DTWD2: variants seen among roughly 807,000 people sequenced by gnomAD.
DTWD2 encodes tRNA-uridine aminocarboxypropyltransferase 2.
A neutral mutation model predicts 31.8 loss-of-function variants in DTWD2; 39 were observed. The observed-to-expected ratio is 1.22, with a 90% CI of 0.95 to 1.60. DTWD2 has a LOEUF of 1.60. Ranked by LOEUF, DTWD2 falls within the 40% of genes most tolerant of loss-of-function variation. The pLI is 0.00. For synonymous variants in DTWD2, 180 were observed against 142.8 expected, an observed-to-expected ratio of 1.26 and a Z score of -1.86; for missense variants, 515 against 381.5, an observed-to-expected ratio of 1.35 and a Z score of -2.92.
At chr5:118,969,801 A>C (rs1475609220) in intron 1 of DTWD2, among the ~76,000 whole-genome samples, 1 of 152,188 alleles carries the variant, frequency 6.6e-6, no homozygotes, top group African/African-American at 2.4e-5. Context: ...ACACCTCTCC[A>C]GCATGGGTAC....
intron 4 of DTWD2, among the ~76,000 whole-genome samples, chr5:118,882,531 T>C (rs1752764480): frequency 6.6e-6 from 1 of 152,148 alleles, no homozygotes; most frequent in African/African-American, 2.4e-5. Flanking sequence ...TTAGCAGAGG[T>C]TCTCCATGAG....
chr5:118,907,256 G>A (rs1330681273), intron 4 of DTWD2, among the ~76,000 whole-genome samples: 2 of 152,150 alleles, frequency 1.3e-5, no homozygotes, highest in Non-Finnish European at 2.9e-5. Context: ...TAACTGCACT[G>A]GGATTAATTT....
At chr5:118,944,891 C>G (rs1271014774) in intron 1 of DTWD2, among the ~76,000 whole-genome samples, 2 of 152,054 alleles carry the variant, frequency 1.3e-5, no homozygotes, top group South Asian at 2.1e-4. Context: ...AAAATCTTAC[C>G]TTAGTTATAT....
In DTWD2 at chr5:118,901,103, AT is replaced by A. The variant is rs1308233880; in HGVS notation, c.597+27433del. Among the ~76,000 whole-genome samples the A allele has an allele frequency of 2.0e-5, 3 of 152,056 alleles. No homozygotes were observed. The East Asian group carries it at 5.8e-4, about 29-fold the overall frequency. On this transcript the variant is annotated intron_variant, in intron 4 of 5. Coordinates refer to ENST00000510708, the MANE Select transcript of DTWD2 (RefSeq NM_173666.4). The stretch of plus-strand genomic sequence containing the variant: ...TTATAAAATATGTGAATATAATTAC[AT>A]TTATAATTACTTATCATAAAGATTT...
intron 4 of DTWD2, among the ~76,000 whole-genome samples, chr5:118,870,643 T>G (rs1752480883): frequency 1.3e-5 from 2 of 152,174 alleles, no homozygotes; most frequent in South Asian, 4.1e-4. Context: ...TCATCCTCCT[T>G]TGGTGGAGGG....
At position 118,883,535 on chromosome 5, in the gene DTWD2, CA is replaced by C. The variant is rs1157394023; in HGVS notation, c.598-35318del. ...TACCTGAGACTGAGTGATTTCTAAACAAAAGCAGTGTAATTGACTCACAGTT... is the reference window on the plus strand; with the variant it reads ...TACCTGAGACTGAGTGATTTCTAAACAAAGCAGTGTAATTGACTCACAGTT... On this transcript the variant is annotated intron_variant, in intron 4 of 5. Coordinates refer to ENST00000510708, the MANE Select transcript of DTWD2 (RefSeq NM_173666.4). Among the ~76,000 whole-genome samples, 9 of 152,280 alleles carry C rather than the reference CA, an allele frequency of 5.9e-5. No individual in the cohort carries two copies. The East Asian group carries it at 1.5e-3, about 26-fold the overall frequency.
At chr5:118,842,044 G>T (rs182532855) in intron 5 of DTWD2, among the ~76,000 whole-genome samples, 8 of 152,164 alleles carry the variant, frequency 5.3e-5, no homozygotes, top group Admixed American at 2.0e-4. Context: ...CTTACATGCG[G>T]CCAAATATCA....
At chr5:118,862,987 G>C (rs2149545589) in intron 4 of DTWD2, among the ~76,000 whole-genome samples, 1 of 152,264 alleles carries the variant, frequency 6.6e-6, no homozygotes, top group Admixed American at 6.5e-5. Flanking sequence ...GTGAAAAGCT[G>C]ATCCAGAGAC....
intron 1 of DTWD2, among the ~76,000 whole-genome samples, chr5:118,985,333 C>G (rs924902083): frequency 6.6e-6 from 1 of 151,726 alleles, no homozygotes; most frequent in Non-Finnish European, 1.5e-5. Context: ...ATGTCACTTC[C>G]AAGATTTCCC....
rs578154741 is a variant in DTWD2, at chr5:118,951,687, GAGAA to G, written c.219-7042_219-7039del. ...AAGTTTTTGAGAACACAGGCTAAGG[GAGAA>G]GAAGGAGGAATGGAGGGTGGAAGGT... On this transcript the variant is annotated intron_variant, in intron 1 of 5. Coordinates refer to ENST00000510708, the MANE Select transcript of DTWD2 (RefSeq NM_173666.4). Among the ~76,000 whole-genome samples the G allele has an allele frequency of 6.0e-4, 92 of 152,258 alleles. 1 individual carries two copies. In the Middle Eastern group the frequency reaches 0.014, roughly 23 times the overall value.
chr5:118,881,675 G>T (rs1345041564), intron 4 of DTWD2, among the ~76,000 whole-genome samples: 1 of 152,150 alleles, frequency 6.6e-6, no homozygotes, highest in Non-Finnish European at 1.5e-5. Context: ...ACGGTAGAAA[G>T]TGAAGGGGAA....
At chr5:118,978,099 G>C (rs901122825) in intron 1 of DTWD2, among the ~76,000 whole-genome samples, 1 of 145,814 alleles carries the variant, frequency 6.9e-6, no homozygotes, top group African/African-American at 2.5e-5. Flanking sequence ...ACAAGCAATG[G>C]GGAAAGGATT....
chr5:118,924,182 A>G (rs1299230180), intron 4 of DTWD2, among the ~76,000 whole-genome samples: 3 of 152,342 alleles, frequency 2.0e-5, no homozygotes, highest in Non-Finnish European at 4.4e-5. Flanking sequence ...GTTTATCAGC[A>G]GTTTAGCTAC....
At chr5:118,923,882 G>C (rs1753756154) in intron 4 of DTWD2, among the ~76,000 whole-genome samples, 1 of 152,116 alleles carries the variant, frequency 6.6e-6, no homozygotes, top group African/African-American at 2.4e-5. Flanking sequence ...GCTTTTATAA[G>C]CCACCTCAGA....
Position 118,928,692 on chromosome 5 carries a change from T to G in DTWD2, c.442A>C (p.Thr148Pro), listed in dbSNP as rs1346896167. 6.3e-7 allele frequency: 1 copy of G among 1,581,666 alleles called. No individual in the cohort carries two copies. The highest frequency in any genetic ancestry group is 8.6e-7 in the Non-Finnish European group (1 of 1,165,450). Residue 148 changes from threonine (T) to proline (P), a missense_variant, in exon 4 of 6, where the codon ACA (threonine) becomes CCA (proline). By Grantham distance (38) the Thr-to-Pro change is conservative. Transcript: ENST00000510708. ...TCAGCCCCTGGATATAATATTAATG[T>G]ACCAGACTTCCGGCAAACAGTTGAA... Reference protein sequence around the residue: ...ELSTVCRKSGTLILYPGAEAA... With the variant: ...ELSTVCRKSGPLILYPGAEAA...
Position 118,880,951 on chromosome 5 carries a change from C to T in DTWD2, c.598-32733G>A, listed in dbSNP as rs1561439012. 3.9e-5 allele frequency among the ~76,000 whole-genome samples: 6 copies of T among 152,154 alleles called. No individual in the cohort carries two copies. In the South Asian group the frequency reaches 1.2e-3, roughly 31 times the overall value. ...CTTCAATCACCTTAAAGCTCTAATG[C>T]TATCAGCAAAACGTGTTGCATGCAA... On this transcript the variant is annotated intron_variant, in intron 4 of 5. Transcript: ENST00000510708.
intron 4 of DTWD2, among the ~76,000 whole-genome samples, chr5:118,869,029 G>T (rs1752443085): frequency 6.6e-6 from 1 of 151,920 alleles, no homozygotes. Context: ...CAGAATGGTG[G>T]TTCCCAGGAG....
chr5:118,939,257 C>A lies in DTWD2; in HGVS notation c.343G>T (p.Ala115Ser). ...NKVLRTVPLL[A>S]ACLPQDKCKV... ...CACTTGTCCTGGGGGAGGCATGCTG[C>A]TAGTAGAGGAACTGTACGCAACACT... The change falls in exon 3 of 6, where the codon GCA (alanine) becomes TCA (serine). Residue 115 changes from alanine to serine, a missense_variant. Transcript: ENST00000510708. 1 of 1,600,102 alleles carries A rather than the reference C, an allele frequency of 6.2e-7. No individual in the cohort carries two copies. The highest frequency in any genetic ancestry group is 1.1e-5 in the South Asian group (1 of 88,880).
intron 1 of DTWD2, among the ~76,000 whole-genome samples, chr5:118,964,466 T>A (rs1467694534): frequency 6.6e-6 from 1 of 152,046 alleles, no homozygotes; most frequent in Non-Finnish European, 1.5e-5. Flanking sequence ...TCCCTCTCTA[T>A]CCACGGTCTC....
Sources: gnomAD v4.1 joint callset for allele counts (sites outside exome capture counted in the v4.1 genomes callset) on GRCh38, gnomAD v4.1.1 for gene constraint, MANE v1.5 for transcripts, NCBI Gene and HGNC (gene_info 2026-07-23, HGNC 2026-07-21) for gene names.